Variants in PTPRT observed in about 807,000 individuals in gnomAD.
The protein encoded by PTPRT is protein tyrosine phosphatase receptor type T.
Under a neutral mutation model 176.8 loss-of-function variants are expected in PTPRT, and 56 were observed. That is an observed-to-expected ratio of 0.32 (90% CI 0.26 to 0.40). The LOEUF is 0.40. Ranked by LOEUF, PTPRT falls within the 10% of genes least tolerant of loss-of-function variation. PTPRT has a pLI of 1.00. For synonymous variants in PTPRT, 783 were observed against 739.0 expected, an observed-to-expected ratio of 1.06 and a Z score of -0.96; for missense variants, 1,540 against 1,908.2, an observed-to-expected ratio of 0.81 and a Z score of 3.60.
At chr20:43,183,401 G>T (rs1161651484) in intron 1 of PTPRT, among the ~76,000 whole-genome samples, 1 of 152,138 alleles carries the variant, frequency 6.6e-6, no homozygotes, top group Admixed American at 6.6e-5. Context: ...TTTTACAGAT[G>T]CAGAAAAAAA....
chr20:43,150,343 G>C lies in PTPRT; in HGVS notation c.88+39303C>G, dbSNP rs150661963. On this transcript the variant is annotated intron_variant, in intron 1 of 30. Transcript: ENST00000373187. ...CAGAACTGACCAGTAAAGGATAACG[G>C]TCTCCATCCCCACCTAATACTCAGC... Among the ~76,000 whole-genome samples, 1,036 of 152,306 alleles carry C rather than the reference G, an allele frequency of 6.8e-3. 16 individuals are homozygous for C. The highest frequency in any genetic ancestry group is 0.023 in the African/African-American group (954 of 41,580).
chr20:42,088,743 G>A (rs1322842333), intron 27 of PTPRT, among the ~76,000 whole-genome samples: 1 of 152,158 alleles, frequency 6.6e-6, no homozygotes, highest in African/African-American at 2.4e-5. Context: ...AGACCATATA[G>A]CCTGCAAAAC....
At chr20:42,167,763 T>A (rs895186618) in intron 16 of PTPRT, among the ~76,000 whole-genome samples, 10 of 152,142 alleles carry the variant, frequency 6.6e-5, no homozygotes, top group African/African-American at 2.4e-4. Flanking sequence ...AAGCACAGAC[T>A]CACTCTGAAG....
chr20:42,659,620 G>T (rs1168063793), intron 7 of PTPRT, among the ~76,000 whole-genome samples: 1 of 152,158 alleles, frequency 6.6e-6, no homozygotes, highest in African/African-American at 2.4e-5. Flanking sequence ...CAAATGCTTT[G>T]GGGTGGGTGC....
intron 18 of PTPRT, among the ~76,000 whole-genome samples, chr20:42,131,593 C>T (rs1233837648): frequency 6.6e-6 from 1 of 152,176 alleles, no homozygotes; most frequent in Non-Finnish European, 1.5e-5. Flanking sequence ...TGATCTCTAG[C>T]CACCAGATGA....
At chr20:43,035,407 C>A (rs1179056162) in intron 1 of PTPRT, among the ~76,000 whole-genome samples, 6 of 152,144 alleles carry the variant, frequency 3.9e-5, no homozygotes, top group Non-Finnish European at 7.4e-5. Flanking sequence ...GCCATACGGT[C>A]TCTGCGGCAA....
At chr20:42,839,919 A>G (rs1600816217) in intron 2 of PTPRT, among the ~76,000 whole-genome samples, 1 of 152,206 alleles carries the variant, frequency 6.6e-6, no homozygotes, top group Non-Finnish European at 1.5e-5. Flanking sequence ...TTTTTAGACA[A>G]ACCCCAGGAG....
At chr20:42,337,179 T>C (rs2058052224) in intron 11 of PTPRT, among the ~76,000 whole-genome samples, 1 of 152,180 alleles carries the variant, frequency 6.6e-6, no homozygotes, top group Non-Finnish European at 1.5e-5. Flanking sequence ...GCTCTACAGT[T>C]AGACTCACCA....
intron 6 of PTPRT, among the ~76,000 whole-genome samples, chr20:42,721,941 T>C (rs1291572901): frequency 6.6e-6 from 1 of 152,214 alleles, no homozygotes; most frequent in African/African-American, 2.4e-5. Context: ...CAGGGACTCA[T>C]GAAATTGTGT....
chr20:43,150,354 C>T (rs1389840750), intron 1 of PTPRT, among the ~76,000 whole-genome samples: 1 of 152,258 alleles, frequency 6.6e-6, no homozygotes, highest in Non-Finnish European at 1.5e-5. Flanking sequence ...TCTCCATCCC[C>T]ACCTAATACT....
chr20:42,505,951 C>A (rs1295909581), intron 7 of PTPRT, among the ~76,000 whole-genome samples: 3 of 152,238 alleles, frequency 2.0e-5, no homozygotes, highest in Non-Finnish European at 4.4e-5. Context: ...TGAGCCAGAG[C>A]AAGTAGTTGA....
chr20:43,078,777 T>C (rs558555257), intron 1 of PTPRT, among the ~76,000 whole-genome samples: 1 of 152,196 alleles, frequency 6.6e-6, no homozygotes, highest in African/African-American at 2.4e-5. Flanking sequence ...ATATTAATCA[T>C]ACTTTTCTGG....
At chr20:42,248,624 C>A in intron 14 of PTPRT, 63 bp downstream of exon 14, 1 of 1,580,766 alleles carries the variant, frequency 6.3e-7, no homozygotes. Context: ...AAAACCTGGC[C>A]ACACAGCAGT....
At chr20:42,096,675 C>T (rs1985268563) in intron 27 of PTPRT, among the ~76,000 whole-genome samples, 1 of 151,990 alleles carries the variant, frequency 6.6e-6, no homozygotes, top group Non-Finnish European at 1.5e-5. Flanking sequence ...TTGAGCCTTG[C>T]AGTGCTCAAG....
chr20:42,164,150 A>G (rs556294796), intron 16 of PTPRT, among the ~76,000 whole-genome samples: 1 of 152,312 alleles, frequency 6.6e-6, no homozygotes, highest in East Asian at 1.9e-4. Context: ...CACCAAAGCT[A>G]CCATCAAACA....
chr20:42,196,916 T>C lies in PTPRT; in HGVS notation c.2491+2324A>G, dbSNP rs184937760. Among the ~76,000 whole-genome samples, 390 of 152,320 alleles carry C rather than the reference T, an allele frequency of 2.6e-3. 1 individual carries two copies. The highest frequency in any genetic ancestry group is 9.2e-3 in the African/African-American group (383 of 41,568). On this transcript the variant is annotated intron_variant, in intron 16 of 30. Transcript: ENST00000373187. ...AAGAACTCAAACTTACCATCACTGGTAATGTGCAAAGCGGTATGATATGTC... is the reference window on the plus strand; with the variant it reads ...AAGAACTCAAACTTACCATCACTGGCAATGTGCAAAGCGGTATGATATGTC...
At chr20:42,066,811 C>T in the PTPRT span, among the ~76,000 whole-genome samples, 911 of 152,096 alleles carry the variant, frequency 6.0e-3, 11 homozygotes, top group African/African-American at 0.02. Context: ...TATTATATCC[C>T]CTTTCTGTCT....
chr20:42,571,592 T>C (rs994066698), intron 7 of PTPRT, among the ~76,000 whole-genome samples: 1 of 152,208 alleles, frequency 6.6e-6, no homozygotes, highest in African/African-American at 2.4e-5. Context: ...TGAATGAAAC[T>C]GTTCACGTAG....
intron 7 of PTPRT, among the ~76,000 whole-genome samples, chr20:42,572,837 C>G (rs764556634): frequency 6.6e-6 from 1 of 152,042 alleles, no homozygotes; most frequent in Non-Finnish European, 1.5e-5. Flanking sequence ...CTCGGGCATC[C>G]CAGAAGCTCA....
Sources: allele counts gnomAD v4.1 joint callset (sites outside exome capture counted in the v4.1 genomes callset), GRCh38; gene constraint gnomAD v4.1.1; transcripts MANE v1.5; gene names NCBI Gene and HGNC (gene_info 2026-07-23, HGNC 2026-07-21).